Variants in MED1 observed in about 807,000 individuals in gnomAD.
MED1 encodes mediator of RNA polymerase II transcription subunit 1.
Under a neutral mutation model 121.3 loss-of-function variants are expected in MED1, and 17 were observed. That is an observed-to-expected ratio of 0.14 (90% CI 0.10 to 0.21). MED1 has a LOEUF of 0.21. Ranked by LOEUF, MED1 falls within the 10% of genes least tolerant of loss-of-function variation. MED1 has a pLI of 1.00. For synonymous variants in MED1, 661 were observed against 694.4 expected, an observed-to-expected ratio of 0.95 and a Z score of 0.76; for missense variants, 1,558 against 1,919.4, an observed-to-expected ratio of 0.81 and a Z score of 3.52.
Position 39,406,126 on chromosome 17 carries a change from G to T in MED1, c.*1349C>A. 1.0e-6 allele frequency: 1 copy of T among 985,528 alleles called. No homozygotes were observed. The highest frequency in any genetic ancestry group is 1.2e-6 in the Non-Finnish European group (1 of 829,930). The allele number at this position is 985,528 out of a possible 1,614,324, so 61.0% of individuals were successfully genotyped here. On this transcript the variant is annotated 3_prime_UTR_variant, in exon 17 of 17. Transcript: ENST00000300651. ...TATTTTTATGTGAAGGGCTCTTATT[G>T]ATGTCCCCCAGAATCCAGACTCAGA...
intron 2 of MED1, among the ~76,000 whole-genome samples, chr17:39,443,837 AG>A (rs1299023624): frequency 3.3e-5 from 5 of 151,862 alleles, no homozygotes; most frequent in Admixed American, 3.3e-4. Flanking sequence ...GTGTAGAAAA[AG>A]GTATTCCTCA....
At chr17:39,446,635 G>T (rs971963257) in intron 2 of MED1, among the ~76,000 whole-genome samples, 2 of 149,660 alleles carry the variant, frequency 1.3e-5, no homozygotes, top group African/African-American at 4.9e-5. Flanking sequence ...TTAGCCAGGC[G>T]TGGTGGCGTG....
intron 6 of MED1, among the ~76,000 whole-genome samples, 178 bp from the exon 7 acceptor site, chr17:39,434,498 T>C (rs2048599912): frequency 6.6e-6 from 1 of 151,996 alleles, no homozygotes; most frequent in Admixed American, 6.6e-5. Flanking sequence ...GAAAAGAAAA[T>C]ATTTTCCTTT....
Position 39,410,640 on chromosome 17 carries a change from G to A in MED1, c.1581C>T (p.Leu527=). ...CCATGTCTTCAACTGTCTCTGCAAT[G>A]AGGGACAGTGCTGGGGTGTCGGCTT... ...TIQADTPALS[L]IAETVEDMVK... The change falls in exon 17 of 17, where the codon CTC becomes CTT. Residue 527 remains leucine, a synonymous_variant. Transcript: ENST00000300651. The A allele has an allele frequency of 6.2e-7, 1 of 1,614,170 alleles. No homozygotes were observed. The highest frequency in any genetic ancestry group is 1.1e-5 in the South Asian group (1 of 91,072).
At chr17:39,439,640 G>T (rs2048652648) in intron 5 of MED1, among the ~76,000 whole-genome samples, 1 of 152,060 alleles carries the variant, frequency 6.6e-6, no homozygotes, top group Non-Finnish European at 1.5e-5. Flanking sequence ...TTGTTGATAT[G>T]AAATGAAAAG....
In MED1 at chr17:39,408,136, T is replaced by C; in HGVS notation, c.4085A>G (p.Lys1362Arg). The part of the protein sequence containing the change: ...QGKREKSDKD[K>R]SKVSTSGSSV... ...ACTCCCGGAGGTGGAAACCTTTGAT[T>C]TGTCTTTATCACTTTTCTCACGCTT... The change falls in exon 17 of 17, where the codon AAA (lysine) becomes AGA (arginine). Residue 1362 changes from lysine (K) to arginine (R), a missense_variant. Physicochemically the swap from Lys to Arg is conservative, Grantham distance 26 (BLOSUM62 2). Around this residue, in one of 5 missense-constraint regions of MED1, gnomAD observed 264 missense variants for 326.1 expected, o/e 0.81. Coordinates refer to ENST00000300651, the MANE Select transcript of MED1 (RefSeq NM_004774.4). The surrounding 1 kb of genome is among the most constrained non-coding windows in gnomAD (Gnocchi z 4.7). 1.2e-6 allele frequency: 2 copies of C among 1,614,094 alleles called. No individual in the cohort carries two copies. Among genetic ancestry groups the C allele is most frequent in the Non-Finnish European group, 1.7e-6 (2 of 1,180,032 alleles).
At chr17:39,413,693 C>T (rs1261235907) in intron 16 of MED1, among the ~76,000 whole-genome samples, 1 of 151,886 alleles carries the variant, frequency 6.6e-6, no homozygotes, top group Admixed American at 6.6e-5. Flanking sequence ...GTCATCACAC[C>T]ACTGCACTCC....
chr17:39,419,641 A>T, intron 14 of MED1, 76 bp downstream of exon 14: 1 of 1,413,882 alleles, frequency 7.1e-7, no homozygotes, highest in Non-Finnish European at 9.9e-7. Context: ...GGTGATTCTG[A>T]TGGGCCACCA....
intron 6 of MED1, among the ~76,000 whole-genome samples, chr17:39,438,086 G>A (rs774823271): frequency 1.5e-4 from 23 of 151,404 alleles, no homozygotes; most frequent in Non-Finnish European, 2.9e-4. Flanking sequence ...CCAGCATGGT[G>A]GCTCACAACT....
intron 14 of MED1, among the ~76,000 whole-genome samples, chr17:39,417,076 A>G (rs909954675): frequency 6.6e-6 from 1 of 152,128 alleles, no homozygotes; most frequent in African/African-American, 2.4e-5. Context: ...CACGCATGTA[A>G]TCCCAGCACT....
rs1363989668 is a variant in MED1, at chr17:39,451,196, T to G, written c.-134A>C. ...CCCTACTCTTCCCGGGAAGGATCAA[T>G]CTGAAGTCCCCGGCGGCAAGAAGAG... On this transcript the variant is annotated 5_prime_UTR_variant, in exon 1 of 17. Coordinates refer to ENST00000300651, the MANE Select transcript of MED1 (RefSeq NM_004774.4). The G allele has an allele frequency of 5.0e-6, 5 of 990,164 alleles. No homozygotes were observed. The highest frequency in any genetic ancestry group is 2.2e-4 in the Middle Eastern group (1 of 4,594). 61.3% of individuals were successfully genotyped at this position (990,164 alleles called of 1,614,324 possible). A position where few individuals can be genotyped will look rare whatever the true frequency, so the allele number is the denominator to read the frequency against.
chr17:39,424,578 C>T (rs1250641303), intron 11 of MED1, 49 bp downstream of exon 11: 4 of 1,241,904 alleles, frequency 3.2e-6, no homozygotes, highest in South Asian at 1.3e-5. Context: ...TTACATACTG[C>T]GCTTTGAGAA....
chr17:39,409,069 G>A lies in MED1; in HGVS notation c.3152C>T (p.Thr1051Ile), dbSNP rs777741903. The change falls in exon 17 of 17, where the codon ACT becomes ATT. Residue 1051 changes from threonine to isoleucine, a missense_variant. Thr to Ile is a moderately conservative substitution (Grantham distance 89). Transcript: ENST00000300651. ...GGGTGGTGTGGCAACACCTGGGGGA[G>A]TCTGAGATCTTCCTGCACTGCCTGG... ...KSPGSAGRSQ[T>I]PPGVATPPIP... 7 of 1,614,182 alleles carry A rather than the reference G, an allele frequency of 4.3e-6. No individual in the cohort carries two copies. The highest frequency in any genetic ancestry group is 5.9e-6 in the Non-Finnish European group (7 of 1,180,034).
rs1207016624 is a variant in MED1, at chr17:39,424,702, A to G, written c.776T>C (p.Ile259Thr). Residue 259 changes from isoleucine to threonine, a missense_variant, in exon 11 of 17, where the codon ATT (isoleucine) becomes ACT (threonine). Ile to Thr is a moderately conservative substitution (Grantham distance 89). Coordinates refer to ENST00000300651, the MANE Select transcript of MED1 (RefSeq NM_004774.4). ...RSLGMNASVT[I>T]EGTSAVYKLP... ...TTTGTACACAGCAGATGTTCCTTCA[A>G]TTGTCACTGATGCATTCATGCCCAA... The G allele has an allele frequency of 2.3e-5, 37 of 1,611,266 alleles. No individual in the cohort carries two copies. Among genetic ancestry groups the G allele is most frequent in the Non-Finnish European group, 3.1e-5 (36 of 1,178,560 alleles).
rs751941212 is a variant in MED1 at position 39,410,214 on chromosome 17, C to T, written c.2007G>A (p.Gln669=). 6.2e-7 allele frequency: 1 copy of T among 1,613,860 alleles called. No homozygotes were observed. The highest frequency in any genetic ancestry group is 2.2e-5 in the East Asian group (1 of 44,888). ...TGCGGGGTGAGCCGGAAGAGGAGTTCTGCCTTTCTAAAGGGCTGCTTCCAT... is the reference window on the plus strand; with the variant it reads ...TGCGGGGTGAGCCGGAAGAGGAGTTTTGCCTTTCTAAAGGGCTGCTTCCAT... ...TLYGSSPLER[Q]NSSSGSPRME... The change falls in exon 17 of 17, where the codon CAG becomes CAA. Residue 669 remains glutamine, a synonymous_variant. Coordinates refer to ENST00000300651, the MANE Select transcript of MED1 (RefSeq NM_004774.4).
Position 39,407,991 on chromosome 17 carries a change from CAA to C in MED1, c.4228_4229del (p.Leu1410AlafsTer7). 6.2e-7 allele frequency: 1 copy of C among 1,614,140 alleles called. No individual in the cohort carries two copies. Among genetic ancestry groups the C allele is most frequent in the Non-Finnish European group, 8.5e-7 (1 of 1,180,044 alleles). The stretch of plus-strand genomic sequence containing the variant: ...CTCCACTACTTTCCCCAGGTTTCTG[CAA>C]AGTCACTTTGGCTTTAATGCTAGGG... The part of the protein sequence containing the change: ...GSPSIKAKVT[L>X]QKPGESSGEG... On this transcript the variant is annotated frameshift_variant, in exon 17 of 17. Coordinates refer to ENST00000300651, the MANE Select transcript of MED1 (RefSeq NM_004774.4). LOFTEE classifies it high-confidence loss of function.
At chr17:39,425,628 C>T (rs2048507641) in intron 10 of MED1, among the ~76,000 whole-genome samples, 1 of 151,792 alleles carries the variant, frequency 6.6e-6, no homozygotes, top group Admixed American at 6.6e-5. Flanking sequence ...ACGGTGAAAC[C>T]GCATCTCTAC....
rs1302384201 is a variant in MED1 at position 39,431,129 on chromosome 17, G to A, written c.635C>T (p.Thr212Ile). Reference protein sequence around the residue: ...KILHGSVGYLTPRSGGHLMNL... With the variant: ...KILHGSVGYLIPRSGGHLMNL... ...GGATCACGTACCCCCACTCCTTGGT[G>A]TGAGATAGCCAACACTTCCATGAAG... Residue 212 changes from threonine to isoleucine, a missense_variant, in exon 9 of 17, where the codon ACA (threonine) becomes ATA (isoleucine). By Grantham distance (89) the Thr-to-Ile change is moderately conservative. Transcript: ENST00000300651. 2 of 1,613,182 alleles carry A rather than the reference G, an allele frequency of 1.2e-6. No individual in the cohort carries two copies. Among genetic ancestry groups the A allele is most frequent in the African/African-American group, 1.3e-5 (1 of 75,026 alleles).
At position 39,434,311 on chromosome 17, in the gene MED1, A is replaced by AT; in HGVS notation, c.437dup (p.Asn146LysfsTer3). The AT allele has an allele frequency of 6.4e-7, 1 of 1,562,854 alleles. No homozygotes were observed. Among genetic ancestry groups the AT allele is most frequent in the East Asian group, 2.3e-5 (1 of 42,668 alleles). ...TAAGGTGCTTAGAAAATTCATCAAA[A>AT]TTTTTTTCCCTATAAGGAGTTCAGG... On this transcript the variant is annotated frameshift_variant, in exon 7 of 17. Coordinates refer to ENST00000300651, the MANE Select transcript of MED1 (RefSeq NM_004774.4). LOFTEE classifies it high-confidence loss of function.
Sources: allele counts gnomAD v4.1 joint callset (sites outside exome capture counted in the v4.1 genomes callset), GRCh38; gene constraint gnomAD v4.1.1; regional missense constraint gnomAD v4.1.1; non-coding constraint Gnocchi (gnomAD v3.1); transcripts MANE v1.5; gene names NCBI Gene and HGNC (gene_info 2026-07-23, HGNC 2026-07-21).